SLC38A4: variants seen among roughly 807,000 people sequenced by gnomAD.
SLC38A4 encodes the protein sodium-coupled neutral amino acid transporter 4.
In SLC38A4, 20 loss-of-function variants were observed where a neutral mutation model predicts 63.1. The ratio of observed to expected loss-of-function variants is 0.32; its 90% CI spans 0.22 to 0.46. The LOEUF (loss-of-function observed/expected upper bound fraction) is 0.46, where lower values mean the gene tolerates loss of function less well. SLC38A4 is among the 20% of genes least tolerant of loss of function. SLC38A4 has a pLI of 1.00. For missense variants in SLC38A4, 526 were observed against 663.6 expected, an observed-to-expected ratio of 0.79 and a Z score of 2.28; for synonymous variants, 230 against 225.5, an observed-to-expected ratio of 1.02 and a Z score of -0.18.
intron 1 of SLC38A4, among the ~76,000 whole-genome samples, chr12:46,810,905 G>A (rs923919240): frequency 6.6e-6 from 1 of 151,920 alleles, no homozygotes. Context: ...TTCTGAATGG[G>A]CATTTATGAG....
At chr12:46,809,712 A>G (rs1414969882) in intron 1 of SLC38A4, among the ~76,000 whole-genome samples, 1 of 152,090 alleles carries the variant, frequency 6.6e-6, no homozygotes, top group Non-Finnish European at 1.5e-5. Flanking sequence ...AGGAAAAATA[A>G]ATTCAGAATA....
chr12:46,797,481 T>C (rs918790721), intron 2 of SLC38A4, among the ~76,000 whole-genome samples: 37 of 152,148 alleles, frequency 2.4e-4, no homozygotes, highest in African/African-American at 8.2e-4. Flanking sequence ...CTGATACTTA[T>C]ACCAGCAACA....
At chr12:46,826,601 A>G (rs1420252201), upstream of SLC38A4, among the ~76,000 whole-genome samples, 1 of 152,204 alleles carries the variant, frequency 6.6e-6, no homozygotes, top group Non-Finnish European at 1.5e-5. Context: ...TATTTTCCCC[A>G]TTTCAGAGAT....
chr12:46,818,860 G>C (rs553600792), intron 1 of SLC38A4, among the ~76,000 whole-genome samples: 2 of 151,932 alleles, frequency 1.3e-5, no homozygotes, highest in Admixed American at 6.6e-5. Context: ...GAGTAGACCA[G>C]TACATTTTGA....
intron 2 of SLC38A4, among the ~76,000 whole-genome samples, chr12:46,801,360 A>G (rs1019049258): frequency 3.9e-5 from 6 of 152,136 alleles, no homozygotes; most frequent in Admixed American, 6.6e-5. Context: ...GTATGGTTCA[A>G]CTTTAAAGAA....
intron 12 of SLC38A4, 71 bp from the exon 13 acceptor site, chr12:46,777,075 T>C: frequency 8.0e-7 from 1 of 1,254,004 alleles, no homozygotes; most frequent in East Asian, 2.5e-5. Flanking sequence ...AAAATGAAAA[T>C]AATAATAAAA....
At chr12:46,816,057 C>T (rs1360614413) in intron 1 of SLC38A4, among the ~76,000 whole-genome samples, 7 of 151,924 alleles carry the variant, frequency 4.6e-5, no homozygotes, top group Middle Eastern at 3.2e-3. Flanking sequence ...AATATATGGA[C>T]TTGCCATAGC....
At chr12:46,797,461 C>T (rs1939036919) in intron 2 of SLC38A4, among the ~76,000 whole-genome samples, 1 of 152,088 alleles carries the variant, frequency 6.6e-6, no homozygotes, top group Admixed American at 6.6e-5. Flanking sequence ...GCTTCCCAGA[C>T]CTCGTAATTC....
At position 46,765,501 on chromosome 12, in the gene SLC38A4, A is replaced by G; in HGVS notation, c.*1200T>C. On this transcript the variant is annotated 3_prime_UTR_variant, in exon 17 of 17. Coordinates refer to ENST00000266579, the MANE Select transcript of SLC38A4 (RefSeq NM_018018.5). ...AACTTATTTTCTTGTAGATCATCCT[A>G]TTATTGTAAATATTGAAGAAGAGCA... 1 of 329,470 alleles carries G rather than the reference A, an allele frequency of 3.0e-6. No homozygotes were observed. The allele number at this position is 329,470 out of a possible 1,614,324, so 20.4% of individuals were successfully genotyped here.
intron 2 of SLC38A4, among the ~76,000 whole-genome samples, chr12:46,797,483 C>G (rs930126156): frequency 6.6e-6 from 1 of 152,126 alleles, no homozygotes; most frequent in African/African-American, 2.4e-5. Flanking sequence ...GATACTTATA[C>G]CAGCAACATC....
At chr12:46,821,536 T>C (rs1939550896) in intron 1 of SLC38A4, among the ~76,000 whole-genome samples, 1 of 152,100 alleles carries the variant, frequency 6.6e-6, no homozygotes, top group South Asian at 2.1e-4. Context: ...TTTATGCCAA[T>C]ACCATACAGC....
chr12:46,815,240 G>GATAT (rs56368111), intron 1 of SLC38A4, among the ~76,000 whole-genome samples: 85 of 89,616 alleles, frequency 9.5e-4, no homozygotes, highest in Admixed American at 1.5e-3. Context: ...ATGGCTAAAG[G>GATAT]ATATATATAT....
chr12:46,785,738 CTTTTTTTTTTTT>C (rs11335369), intron 5 of SLC38A4, among the ~76,000 whole-genome samples: 15 of 66,926 alleles, frequency 2.2e-4, no homozygotes, highest in East Asian at 1.2e-3. Flanking sequence ...ACGAAAATTC[CTTTTTTTTTTTT>C]TTTTTTTTTT....
At chr12:46,775,390 A>T (rs983028737) in intron 13 of SLC38A4, among the ~76,000 whole-genome samples, 9 of 152,110 alleles carry the variant, frequency 5.9e-5, no homozygotes, top group Non-Finnish European at 1.2e-4. Context: ...AAGGTATAAT[A>T]CAAAATAAAG....
At chr12:46,823,563 AATC>A (rs2120928228) in intron 1 of SLC38A4, among the ~76,000 whole-genome samples, 1 of 152,344 alleles carries the variant, frequency 6.6e-6, no homozygotes, top group South Asian at 2.1e-4. Context: ...TGGTAACAGA[AATC>A]ATTAAAACAG....
intron 1 of SLC38A4, among the ~76,000 whole-genome samples, chr12:46,831,319 C>G (rs1002299598): frequency 6.6e-6 from 1 of 152,216 alleles, no homozygotes; most frequent in South Asian, 2.1e-4. Context: ...TCCGGGTTCC[C>G]TCTCCCCCGT....
At chr12:46,829,682 G>A (rs1182216291), upstream of SLC38A4, among the ~76,000 whole-genome samples, 2 of 152,326 alleles carry the variant, frequency 1.3e-5, no homozygotes, top group East Asian at 1.9e-4. Flanking sequence ...GATTCAGAGA[G>A]TCCAGCTGCG....
intron 1 of SLC38A4, among the ~76,000 whole-genome samples, chr12:46,823,348 T>G (rs1343152844): frequency 1.3e-5 from 2 of 152,226 alleles, no homozygotes; most frequent in Non-Finnish European, 2.9e-5. Context: ...ATGTGAGATA[T>G]CTAATGTTTA....
At chr12:46,827,374 C>T (rs1055866779), upstream of SLC38A4, among the ~76,000 whole-genome samples, 2 of 152,058 alleles carry the variant, frequency 1.3e-5, no homozygotes, top group African/African-American at 2.4e-5. Context: ...GAGTATTTTA[C>T]AAGCATGGAT....
Sources: gnomAD v4.1 joint callset for allele counts (sites outside exome capture counted in the v4.1 genomes callset) on GRCh38, gnomAD v4.1.1 for gene constraint, MANE v1.5 for transcripts, NCBI Gene and HGNC (gene_info 2026-07-23, HGNC 2026-07-21) for gene names.